Variants in ZNF536 observed in about 807,000 individuals in gnomAD.
ZNF536 encodes zinc finger protein 536.
Under a neutral mutation model 84.5 loss-of-function variants are expected in ZNF536, and 13 were observed. That is an observed-to-expected ratio of 0.15 (90% CI 0.10 to 0.24). The LOEUF (loss-of-function observed/expected upper bound fraction) is 0.24. Ranked by LOEUF, ZNF536 falls within the 10% of genes least tolerant of loss-of-function variation. The pLI is 1.00. For missense variants in ZNF536, 1,536 were observed against 1,747.5 expected (o/e 0.88, Z 2.16); for synonymous variants, 811 against 742.5 (o/e 1.09, Z -1.50).
At chr19:30,514,799 C>T (rs1750459320) in intron 2 of ZNF536, among the ~76,000 whole-genome samples, 2 of 152,118 alleles carry the variant, frequency 1.3e-5, no homozygotes, top group Admixed American at 6.5e-5. Flanking sequence ...GAGGACCCCT[C>T]ATTGTTGACT....
chr19:30,354,037 C>T (rs969958387), intron 3 of ZNF536, among the ~76,000 whole-genome samples: 5 of 152,078 alleles, frequency 3.3e-5, no homozygotes, highest in Admixed American at 6.5e-5. Context: ...TGATCCCAAT[C>T]GGGATGGGTA....
intron 1 of ZNF536, among the ~76,000 whole-genome samples, chr19:30,390,276 A>T (rs1299564317): frequency 2.0e-5 from 3 of 152,204 alleles, no homozygotes; most frequent in Admixed American, 2.0e-4. Context: ...ACTGGAACTT[A>T]TAAAATAAAA....
At chr19:30,339,033 G>A (rs2047479604) in intron 2 of ZNF536, among the ~76,000 whole-genome samples, 1 of 152,260 alleles carries the variant, frequency 6.6e-6, no homozygotes, top group Non-Finnish European at 1.5e-5. Flanking sequence ...CCCCCGGGCT[G>A]TAAAGTTCCG....
intron 3 of ZNF536, among the ~76,000 whole-genome samples, chr19:30,544,133 G>A (rs919469269): frequency 1.1e-4 from 17 of 152,284 alleles, no homozygotes; most frequent in East Asian, 1.9e-4. Flanking sequence ...CTGGAACAGC[G>A]TGCCCACCTG....
At chr19:30,227,832 C>A (rs1359750930), upstream of ZNF536, among the ~76,000 whole-genome samples, 1 of 151,856 alleles carries the variant, frequency 6.6e-6, no homozygotes, top group Non-Finnish European at 1.5e-5. Flanking sequence ...GCAGCCCGAG[C>A]GGGCCGCCGG....
chr19:30,418,477 T>C (rs2050823154), intron 1 of ZNF536, among the ~76,000 whole-genome samples: 2 of 152,248 alleles, frequency 1.3e-5, no homozygotes, highest in Non-Finnish European at 2.9e-5. Context: ...TTTAGACTTC[T>C]AGGGTTTTTT....
Position 30,695,248 on chromosome 19 carries a change from T to G in ZNF536, c.170-15509T>G, listed in dbSNP as rs1600294399. On this transcript the variant is annotated intron_variant, in intron 1 of 1. Coordinates refer to the ZNF536 transcript ENST00000592773. ...GCCTGCACGGAGGAAGGAAGCCAAG[T>G]GCCAGGCTCTGAGCAGGGTGTGCAT... 2.0e-5 allele frequency among the ~76,000 whole-genome samples: 3 copies of G among 152,212 alleles called. No homozygotes were observed. In the East Asian group the frequency reaches 5.8e-4, roughly 30 times the overall value.
At chr19:30,450,972 C>A (rs2052576336) in intron 2 of ZNF536, among the ~76,000 whole-genome samples, 1 of 152,266 alleles carries the variant, frequency 6.6e-6, no homozygotes. Flanking sequence ...GCCCTTCGGT[C>A]TCTGCCGTGG....
At chr19:30,344,661 C>A (rs926255779) in intron 2 of ZNF536, among the ~76,000 whole-genome samples, 6 of 129,102 alleles carry the variant, frequency 4.6e-5, no homozygotes, top group Non-Finnish European at 7.9e-5. Flanking sequence ...TGGGCTGGAG[C>A]AGAGCAGGCA....
rs771070330 is a variant in ZNF536, at chr19:30,548,864, G to A, written c.3245G>A (p.Gly1082Asp). ...LDSASEKMAQGQLKETLGEQK... is the reference protein window; with the variant it reads ...LDSASEKMAQDQLKETLGEQK... ...TCTGCTTCTGAGAAGATGGCCCAAG[G>A]TCAGCTCAAGGAGACTCTGGGAGAG... The change falls in exon 4 of 5, where the codon GGT becomes GAT. Residue 1082 changes from glycine to aspartate, a missense_variant. Gly to Asp is a moderately conservative substitution (Grantham distance 94). Coordinates refer to ENST00000355537, the MANE Select transcript of ZNF536 (RefSeq NM_014717.3). The A allele has an allele frequency of 6.2e-7, 1 of 1,614,134 alleles. No homozygotes were observed. The highest frequency in any genetic ancestry group is 8.5e-7 in the Non-Finnish European group (1 of 1,180,040).
In ZNF536 at chr19:30,548,290, C is replaced by T. The variant is rs1568540485; in HGVS notation, c.2671C>T (p.Pro891Ser). The change falls in exon 4 of 5, where the codon CCT (proline) becomes TCT (serine). Residue 891 changes from proline (P) to serine (S), a missense_variant. Physicochemically the swap from Pro to Ser is moderately conservative, Grantham distance 74 (BLOSUM62 -1). Transcript: ENST00000355537. Reference sequence around the variant, plus strand: ...AGATGCTCTGAAAGGCACTGACCTTCCTTCCAAAAGCACCCACTTCTCTGA... The same window carrying T: ...AGATGCTCTGAAAGGCACTGACCTTTCTTCCAAAAGCACCCACTTCTCTGA... ...PSDALKGTDLPSKSTHFSEIG... is the reference protein window; with the variant it reads ...PSDALKGTDLSSKSTHFSEIG... 7 of 1,614,260 alleles carry T rather than the reference C, an allele frequency of 4.3e-6. No homozygotes were observed. Among genetic ancestry groups the T allele is most frequent in the Non-Finnish European group, 5.9e-6 (7 of 1,180,052 alleles).
chr19:30,444,243 G>T lies in ZNF536; in HGVS notation c.681G>T (p.Pro227=), dbSNP rs766672931. The change falls in exon 2 of 5, where the codon CCG becomes CCT. Residue 227 remains proline, a synonymous_variant. Transcript: ENST00000355537. ...AGCCCCGGCCGGACCTGAAGCCCCC[G>T]CCGCACGCCCAGCAGGCCCCGCTGG... The part of the protein sequence containing the change: ...LLQPRPDLKP[P]PHAQQAPLAA... The T allele has an allele frequency of 7.1e-6, 11 of 1,545,892 alleles. No homozygotes were observed. The highest frequency in any genetic ancestry group is 7.8e-6 in the Non-Finnish European group (9 of 1,151,898).
intron 2 of ZNF536, among the ~76,000 whole-genome samples, chr19:30,465,162 G>T (rs949974567): frequency 1.3e-5 from 2 of 152,126 alleles, no homozygotes; most frequent in Admixed American, 6.6e-5. Flanking sequence ...CTCTGCTGAG[G>T]CCCTGCCACC....
intron 3 of ZNF536, among the ~76,000 whole-genome samples, chr19:30,537,240 C>T (rs1367082878): frequency 6.6e-6 from 1 of 152,226 alleles, no homozygotes; most frequent in African/African-American, 2.4e-5. Context: ...TCAGCCCAGA[C>T]ATCTGGTTTT....
At chr19:30,652,604 A>C (rs540625018) in intron 1 of ZNF536, among the ~76,000 whole-genome samples, 2 of 152,238 alleles carry the variant, frequency 1.3e-5, no homozygotes, top group East Asian at 3.9e-4. Context: ...TTTTCTAAGG[A>C]GTGAATGAGC....
intron 1 of ZNF536, among the ~76,000 whole-genome samples, chr19:30,389,357 A>C (rs1004513799): frequency 6.6e-6 from 1 of 152,132 alleles, no homozygotes; most frequent in Admixed American, 6.5e-5. Context: ...TGCCCTTGAA[A>C]AATCTAGCGA....
intron 1 of ZNF536, among the ~76,000 whole-genome samples, chr19:30,638,248 C>G (rs981310436): frequency 7.9e-5 from 12 of 152,222 alleles, no homozygotes; most frequent in Non-Finnish European, 1.5e-5. Flanking sequence ...GTCGTAAGGA[C>G]TTTTAAGGTC....
chr19:30,234,771 A>G (rs3888145), intron 1 of ZNF536, among the ~76,000 whole-genome samples: 84,219 of 148,782 alleles, frequency 0.57, 24,603 homozygotes, highest in Admixed American at 0.66. Context: ...ACACACACAC[A>G]CACGCGCACA....
chr19:30,330,697 A>G (rs2047183388), intron 2 of ZNF536, among the ~76,000 whole-genome samples: 1 of 152,192 alleles, frequency 6.6e-6, no homozygotes, highest in Non-Finnish European at 1.5e-5. Flanking sequence ...AGACATGGCC[A>G]TTGTAGACAT....
Sources: allele counts gnomAD v4.1 joint callset (sites outside exome capture counted in the v4.1 genomes callset), GRCh38; gene constraint gnomAD v4.1.1; transcripts MANE v1.5; gene names NCBI Gene and HGNC (gene_info 2026-07-23, HGNC 2026-07-21).